PRKAG2: variants seen among roughly 807,000 people sequenced by gnomAD.
PRKAG2 encodes the protein 5'-AMP-activated protein kinase subunit gamma-2.
In PRKAG2, 26 loss-of-function variants were observed where a neutral mutation model predicts 69.6. The ratio of observed to expected loss-of-function variants is 0.37; its 90% CI spans 0.27 to 0.52. The LOEUF is 0.52. Among genes scored for constraint, PRKAG2 ranks in the 20% least tolerant of loss-of-function variants. The pLI, the probability that PRKAG2 is intolerant of heterozygous loss-of-function variation, is 0.90. For synonymous variants in PRKAG2, 293 were observed against 285.0 expected (o/e 1.03, Z -0.28); for missense variants, 557 against 740.0 (o/e 0.75, Z 2.87).
intron 3 of PRKAG2, among the ~76,000 whole-genome samples, chr7:151,712,736 G>A (rs1339837020): frequency 4.6e-5 from 7 of 152,232 alleles, no homozygotes; most frequent in African/African-American, 1.2e-4. Context: ...CCGGGGCCAC[G>A]CTGTGCTGAG....
chr7:151,792,520 G>T (rs138516416), intron 1 of PRKAG2, among the ~76,000 whole-genome samples: 40 of 152,338 alleles, frequency 2.6e-4, no homozygotes, highest in African/African-American at 8.4e-4. Flanking sequence ...CCTGACAGCA[G>T]GTGCTAAGTG....
At position 151,560,572 on chromosome 7, in the gene PRKAG2, T is replaced by C; in HGVS notation, c.1630A>G (p.Ile544Val). 2.5e-6 allele frequency: 4 copies of C among 1,613,872 alleles called. No individual in the cohort carries two copies. The highest frequency in any genetic ancestry group is 3.4e-6 in the Non-Finnish European group (4 of 1,179,766). ...VVNEADSIVGIISLSDILQAL... is the reference protein window; with the variant it reads ...VVNEADSIVGVISLSDILQAL... The stretch of plus-strand genomic sequence containing the variant: ...TGCAGAATGTCCGACAGGGAAATAA[T>C]ACCCACAATACTATCTGCTTCATTT... Residue 544 changes from isoleucine to valine, a missense_variant, in exon 15 of 16, where the codon ATT becomes GTT. Ile to Val is a conservative substitution (Grantham distance 29). Transcript: ENST00000287878.
At chr7:151,689,313 C>T (rs764551598) in intron 3 of PRKAG2, among the ~76,000 whole-genome samples, 7 of 152,186 alleles carry the variant, frequency 4.6e-5, no homozygotes, top group Non-Finnish European at 7.3e-5. Flanking sequence ...TCTGATCATC[C>T]AGGCTCACGG....
In PRKAG2 at chr7:151,771,217, T is replaced by A. The variant is rs184298497; in HGVS notation, c.466+9935A>T. Reference sequence around the variant, plus strand: ...TTCCAGCTATGTTATTCTTTATGCTTTTCCCTTAGCTAAAATTTCGATTTC... The same window carrying A: ...TTCCAGCTATGTTATTCTTTATGCTATTCCCTTAGCTAAAATTTCGATTTC... On this transcript the variant is annotated intron_variant, in intron 3 of 15. Transcript: ENST00000287878. The surrounding 1 kb of genome is among the most constrained non-coding windows in gnomAD (Gnocchi z 4.0). 1.3e-5 allele frequency among the ~76,000 whole-genome samples: 2 copies of A among 152,356 alleles called. No homozygotes were observed. The highest frequency in any genetic ancestry group is 3.9e-4 in the East Asian group (2 of 5,184).
chr7:151,573,019 A>C (rs568897424), intron 8 of PRKAG2, among the ~76,000 whole-genome samples: 4 of 152,204 alleles, frequency 2.6e-5, no homozygotes, highest in African/African-American at 9.6e-5. Context: ...AGGCTGAGGC[A>C]GGAGAATTGC....
intron 3 of PRKAG2, among the ~76,000 whole-genome samples, chr7:151,680,992 CG>C: frequency 1.3e-5 from 2 of 152,206 alleles, no homozygotes; most frequent in Non-Finnish European, 2.9e-5. Context: ...GGGTACAGAA[CG>C]TTCATCTTTC....
intron 3 of PRKAG2, chr7:151,736,233 G>A (rs935779494): frequency 3.7e-5 from 51 of 1,374,124 alleles, no homozygotes; most frequent in Middle Eastern, 2.8e-4. Context: ...GAGTGGAGCC[G>A]TCCTGACGGG....
chr7:151,741,110 G>A (rs2073852722), intron 3 of PRKAG2, among the ~76,000 whole-genome samples: 1 of 152,154 alleles, frequency 6.6e-6, no homozygotes, highest in Admixed American at 6.5e-5. Flanking sequence ...CACTTTGGGA[G>A]GCTGAGGCGG....
chr7:151,800,291 G>A (rs2077768107), intron 1 of PRKAG2, among the ~76,000 whole-genome samples: 1 of 151,034 alleles, frequency 6.6e-6, no homozygotes, highest in Non-Finnish European at 1.5e-5. Flanking sequence ...CCGGGAGGCG[G>A]AGCTTGCAGT....
At chr7:151,679,044 G>A (rs1193762628) in intron 3 of PRKAG2, among the ~76,000 whole-genome samples, 1 of 152,146 alleles carries the variant, frequency 6.6e-6, no homozygotes, top group African/African-American at 2.4e-5. Context: ...GGTGGGGTGG[G>A]GAGGAAGGAG....
chr7:151,596,763 A>T (rs201132812), intron 5 of PRKAG2, among the ~76,000 whole-genome samples: 1,486 of 109,248 alleles, frequency 0.014, 34 homozygotes, highest in African/African-American at 0.05. Flanking sequence ...AAATAAAAAT[A>T]AAAAAAAAGA....
At chr7:151,670,947 C>T (rs557502859) in intron 4 of PRKAG2, among the ~76,000 whole-genome samples, 14 of 152,144 alleles carry the variant, frequency 9.2e-5, no homozygotes, top group South Asian at 2.1e-4. Flanking sequence ...CCAAGGTGGG[C>T]GGATTCACCT....
chr7:151,611,509 C>T (rs939975954), intron 5 of PRKAG2, among the ~76,000 whole-genome samples: 2 of 152,068 alleles, frequency 1.3e-5, no homozygotes, highest in Non-Finnish European at 2.9e-5. Context: ...GATGAGGAAA[C>T]TGAAATATCA....
intron 1 of PRKAG2, among the ~76,000 whole-genome samples, chr7:151,792,089 C>T (rs2077294075): frequency 6.6e-6 from 1 of 152,158 alleles, no homozygotes; most frequent in African/African-American, 2.4e-5. Context: ...GGTTCAGTTC[C>T]AGTAATAGAA....
At chr7:151,773,548 A>G (rs953303313) in intron 3 of PRKAG2, among the ~76,000 whole-genome samples, 5 of 152,226 alleles carry the variant, frequency 3.3e-5, no homozygotes, top group African/African-American at 1.2e-4. Context: ...TGCTATGAAG[A>G]TTGAAAGAAT....
chr7:151,610,369 AAAAC>A (rs890167729), intron 5 of PRKAG2, among the ~76,000 whole-genome samples: 22 of 151,394 alleles, frequency 1.5e-4, no homozygotes, highest in East Asian at 7.9e-4. Context: ...TCTTCATTTC[AAAAC>A]AAACAAACAA....
intron 3 of PRKAG2, among the ~76,000 whole-genome samples, chr7:151,689,867 C>T (rs10258842): frequency 0.21 from 31,885 of 152,072 alleles, 3,777 homozygotes; most frequent in African/African-American, 0.32. Context: ...TCCATGGTGC[C>T]GTTCCCAGCT....
chr7:151,675,542 C>T lies in PRKAG2; in HGVS notation c.562G>A (p.Glu188Lys), dbSNP rs772303730. 9 of 1,614,042 alleles carry T rather than the reference C, an allele frequency of 5.6e-6. No homozygotes were observed. Among genetic ancestry groups the T allele is most frequent in the Non-Finnish European group, 7.6e-6 (9 of 1,179,986 alleles). Residue 188 changes from glutamate (E) to lysine (K), a missense_variant, in exon 4 of 16, where the codon GAG becomes AAG. Coordinates refer to ENST00000287878, the MANE Select transcript of PRKAG2 (RefSeq NM_016203.4). ...GAAGACGAGGCATAGATGCGATTCTCTAACCGTTCAGGCTCGTGCTTATAG... is the reference window on the plus strand; with the variant it reads ...GAAGACGAGGCATAGATGCGATTCTTTAACCGTTCAGGCTCGTGCTTATAG... ...ESYKHEPERL[E>K]NRIYASSSPP...
intron 4 of PRKAG2, among the ~76,000 whole-genome samples, chr7:151,645,200 TTA>T (rs1394742389): frequency 3.3e-5 from 5 of 152,236 alleles, no homozygotes; most frequent in African/African-American, 9.6e-5. Context: ...ACTTCCATTA[TTA>T]AGCTTCTGTC....
Sources: allele counts gnomAD v4.1 joint callset (sites outside exome capture counted in the v4.1 genomes callset), GRCh38; gene constraint gnomAD v4.1.1; non-coding constraint Gnocchi (gnomAD v3.1); transcripts MANE v1.5; gene names NCBI Gene and HGNC (gene_info 2026-07-23, HGNC 2026-07-21).